Variants in FAM13A observed in about 807,000 individuals in gnomAD.
The protein encoded by FAM13A is protein FAM13A.
Under a neutral mutation model 129.6 loss-of-function variants are expected in FAM13A, and 76 were observed. The observed-to-expected ratio is 0.59, with a 90% CI of 0.49 to 0.71. The LOEUF (loss-of-function observed/expected upper bound fraction) is 0.71. FAM13A is among the 30% of genes least tolerant of loss of function. The pLI is 0.00. For synonymous variants in FAM13A, 443 were observed against 449.9 expected, an observed-to-expected ratio of 0.98 and a Z score of 0.20; for missense variants, 1,108 against 1,249.3, an observed-to-expected ratio of 0.89 and a Z score of 1.70.
rs61737091 is a variant in FAM13A at position 88,750,570 on chromosome 4, C to T, written c.1794G>A (p.Pro598=). The T allele has an allele frequency of 0.078, 125,654 of 1,613,936 alleles. 5,775 individuals carry two copies. Among genetic ancestry groups the T allele is most frequent in the African/African-American group, 0.17 (12,680 of 74,976 alleles). The change falls in exon 15 of 24, where the codon CCG becomes CCA. Residue 598 remains proline (P), a synonymous_variant. Coordinates refer to ENST00000264344, the MANE Select transcript of FAM13A (RefSeq NM_014883.4). The stretch of plus-strand genomic sequence containing the variant: ...GCTGACGGATCAGGCGCCCAGCCTG[C>T]GGCGAGAGGTGGGCTTCATCAGAGT... ...NSDSDEAHLS[P]QAGRLIRQLL...
At chr4:88,890,433 C>A (rs181943266) in intron 6 of FAM13A, among the ~76,000 whole-genome samples, 1 of 152,238 alleles carries the variant, frequency 6.6e-6, no homozygotes, top group African/African-American at 2.4e-5. Flanking sequence ...CCCTTTTATT[C>A]CTTGGCCTAG....
chr4:88,927,200 T>C (rs1291560739), intron 5 of FAM13A, among the ~76,000 whole-genome samples: 2 of 151,248 alleles, frequency 1.3e-5, no homozygotes, highest in East Asian at 3.9e-4. Context: ...TTCCTATGTA[T>C]ATTTTTTTTT....
chr4:89,028,121 G>A (rs1768211441), intron 2 of FAM13A, among the ~76,000 whole-genome samples: 1 of 149,034 alleles, frequency 6.7e-6, no homozygotes, highest in African/African-American at 2.5e-5. Context: ...CAGGAGAATT[G>A]CTTGAACCCG....
intron 8 of FAM13A, among the ~76,000 whole-genome samples, chr4:88,804,413 G>C (rs1181549757): frequency 6.6e-6 from 1 of 152,098 alleles, no homozygotes; most frequent in Non-Finnish European, 1.5e-5. Flanking sequence ...ATGCAATAAG[G>C]AAGACTTGAT....
chr4:88,971,513 T>C (rs1316362038), intron 4 of FAM13A, among the ~76,000 whole-genome samples: 1 of 152,152 alleles, frequency 6.6e-6, no homozygotes, highest in Admixed American at 6.5e-5. Context: ...ACATGAATTT[T>C]AAATATTTTT....
chr4:88,739,054 G>A lies in FAM13A; in HGVS notation c.2538C>T (p.Ser846=), dbSNP rs138276268. The part of the protein sequence containing the change: ...DRYRLVKQIL[S]RANTIPIIGS... Reference sequence around the variant, plus strand: ...CAATGATGGGTATGGTGTTAGCTCGGGAGAGGATCTGTTTGACCAGCCGGT... The same window carrying A: ...CAATGATGGGTATGGTGTTAGCTCGAGAGAGGATCTGTTTGACCAGCCGGT... The change falls in exon 20 of 24, where the codon TCC becomes TCT. Residue 846 remains serine, a synonymous_variant. Coordinates refer to ENST00000264344, the MANE Select transcript of FAM13A (RefSeq NM_014883.4). The A allele has an allele frequency of 1.1e-5, 17 of 1,613,366 alleles. No homozygotes were observed. The highest frequency in any genetic ancestry group is 1.4e-5 in the Non-Finnish European group (16 of 1,179,402).
chr4:88,872,408 C>T (rs4693971), intron 6 of FAM13A, among the ~76,000 whole-genome samples: 40,344 of 151,974 alleles, frequency 0.27, 5,603 homozygotes, highest in African/African-American at 0.34. Context: ...CGTGCAGAGA[C>T]ATACATAGGC....
At chr4:89,015,570 A>G (rs1032130829) in intron 3 of FAM13A, among the ~76,000 whole-genome samples, 1 of 152,222 alleles carries the variant, frequency 6.6e-6, no homozygotes, top group African/African-American at 2.4e-5. Context: ...GTTTGTATTA[A>G]TCTGCCTGTG....
intron 1 of FAM13A, among the ~76,000 whole-genome samples, chr4:89,038,136 G>C (rs1266424673): frequency 1.3e-5 from 2 of 152,118 alleles, no homozygotes; most frequent in African/African-American, 4.8e-5. Flanking sequence ...GCTCTGCGAG[G>C]GCCCAAGGGG....
intron 1 of FAM13A, among the ~76,000 whole-genome samples, chr4:89,056,024 A>G (rs1772162845): frequency 6.6e-6 from 1 of 152,214 alleles, no homozygotes; most frequent in African/African-American, 2.4e-5. Context: ...CACACAAAAA[A>G]AGAGGATCTG....
At chr4:88,810,875 T>C (rs1003801575) in intron 7 of FAM13A, among the ~76,000 whole-genome samples, 10 of 152,184 alleles carry the variant, frequency 6.6e-5, no homozygotes, top group Non-Finnish European at 7.3e-5. Flanking sequence ...AAAATTATTC[T>C]TAGTTTGCTG....
chr4:88,774,153 C>A (rs1253349437), intron 11 of FAM13A, among the ~76,000 whole-genome samples: 1 of 152,164 alleles, frequency 6.6e-6, no homozygotes, highest in East Asian at 1.9e-4. Flanking sequence ...TCCCTCACCT[C>A]CTTCAGGCCT....
chr4:88,750,594 G>C lies in FAM13A; in HGVS notation c.1770C>G (p.Asp590Glu), dbSNP rs202089420. Residue 590 changes from aspartate to glutamate, a missense_variant, in exon 15 of 24, where the codon GAC becomes GAG. Around this residue, in one of 3 missense-constraint regions of FAM13A, gnomAD observed 529 missense variants for 621.2 expected, o/e 0.85. Coordinates refer to ENST00000264344, the MANE Select transcript of FAM13A (RefSeq NM_014883.4). ...GCGGCGAGAGGTGGGCTTCATCAGA[G>C]TCACTGTTCTCCCGCTGCCAGGAGG... ...AFSSWQRENSDSDEAHLSPQA... is the reference protein window; with the variant it reads ...AFSSWQRENSESDEAHLSPQA... 50 of 1,614,120 alleles carry C rather than the reference G, an allele frequency of 3.1e-5. 1 individual carries two copies. The East Asian group carries it at 3.6e-4, about 12-fold the overall frequency.
At chr4:88,989,143 G>A (rs964415976) in intron 4 of FAM13A, among the ~76,000 whole-genome samples, 1 of 148,836 alleles carries the variant, frequency 6.7e-6, no homozygotes, top group African/African-American at 2.5e-5. Context: ...AGGAGGCAGA[G>A]GTTTCAATGA....
At chr4:88,995,076 A>G (rs560550991) in intron 3 of FAM13A, among the ~76,000 whole-genome samples, 1 of 152,092 alleles carries the variant, frequency 6.6e-6, no homozygotes, top group South Asian at 2.1e-4. Flanking sequence ...ACACGCATCC[A>G]AAATGTATAT....
At chr4:88,931,441 G>A (rs1753016283) in intron 5 of FAM13A, among the ~76,000 whole-genome samples, 4 of 152,120 alleles carry the variant, frequency 2.6e-5, no homozygotes, top group Admixed American at 2.0e-4. Context: ...ATGTCCAGGA[G>A]CCTCTCCTGG....
At chr4:88,734,545 C>T (rs1738573748) in intron 21 of FAM13A, among the ~76,000 whole-genome samples, 1 of 152,200 alleles carries the variant, frequency 6.6e-6, no homozygotes, top group Non-Finnish European at 1.5e-5. Flanking sequence ...ACATCAGTGG[C>T]AATGCACAAG....
chr4:88,891,996 G>A (rs1318371889), intron 6 of FAM13A, among the ~76,000 whole-genome samples: 6 of 152,018 alleles, frequency 3.9e-5, no homozygotes, highest in Non-Finnish European at 7.4e-5. Context: ...GGACAATGAT[G>A]TGAGACCCTG....
At chr4:88,862,506 T>C (rs1375054808) in intron 6 of FAM13A, among the ~76,000 whole-genome samples, 1 of 152,186 alleles carries the variant, frequency 6.6e-6, no homozygotes, top group Non-Finnish European at 1.5e-5. Flanking sequence ...TGCTATTCAG[T>C]AGGCAACAAA....
Sources: allele counts gnomAD v4.1 joint callset (sites outside exome capture counted in the v4.1 genomes callset), GRCh38; gene constraint gnomAD v4.1.1; regional missense constraint gnomAD v4.1.1; transcripts MANE v1.5; gene names NCBI Gene and HGNC (gene_info 2026-07-23, HGNC 2026-07-21).